Variants in RBFOX1 observed in about 807,000 individuals in gnomAD.
RBFOX1 encodes RNA binding fox-1 homolog 1, also known as RNA binding protein fox-1 homolog 1.
RBFOX1 carries 8 observed loss-of-function variants against 57.7 expected under a neutral mutation model. That is an observed-to-expected ratio of 0.14 (90% CI 0.08 to 0.25). The LOEUF is 0.25. Ranked by LOEUF, RBFOX1 falls within the 10% of genes least tolerant of loss-of-function variation. The pLI is 1.00. For synonymous variants in RBFOX1, 326 were observed against 222.4 expected, an observed-to-expected ratio of 1.47 and a Z score of -4.15; for missense variants, 611 against 548.5, an observed-to-expected ratio of 1.11 and a Z score of -1.14.
At chr16:6,864,342 G>T (rs1042867837) in intron 3 of RBFOX1, among the ~76,000 whole-genome samples, 2 of 151,962 alleles carry the variant, frequency 1.3e-5, no homozygotes, top group Non-Finnish European at 2.9e-5. Flanking sequence ...ACAAACATTT[G>T]AAAAACAATA....
chr16:6,815,651 T>G (rs1177003252), intron 3 of RBFOX1, among the ~76,000 whole-genome samples: 1 of 152,154 alleles, frequency 6.6e-6, no homozygotes, highest in Non-Finnish European at 1.5e-5. Flanking sequence ...GGCTACCTAC[T>G]TACGCCTTAC....
Position 6,893,808 on chromosome 16 carries a change from T to A in RBFOX1, c.-15-158249T>A, listed in dbSNP as rs551296669. Among the ~76,000 whole-genome samples the A allele has an allele frequency of 1.4e-4, 22 of 152,330 alleles. 1 individual carries two copies. The highest frequency in any genetic ancestry group is 5.3e-4 in the African/African-American group (22 of 41,586). The stretch of plus-strand genomic sequence containing the variant: ...ATTCTTTCAAGGTATCTAAAACTTA[T>A]AATCACTAATAAAAATATGCTTAAT... On this transcript the variant is annotated intron_variant, in intron 3 of 15. Transcript: ENST00000550418.
intron 2 of RBFOX1, among the ~76,000 whole-genome samples, chr16:6,589,640 C>T (rs751353667): frequency 2.0e-5 from 3 of 152,188 alleles, no homozygotes; most frequent in Non-Finnish European, 4.4e-5. Flanking sequence ...CTGCAGGACT[C>T]CTAAATCATA....
At chr16:6,440,523 C>T (rs780427663) in intron 2 of RBFOX1, among the ~76,000 whole-genome samples, 36 of 152,076 alleles carry the variant, frequency 2.4e-4, no homozygotes, top group Non-Finnish European at 4.3e-4. Context: ...AAGGATTGGC[C>T]GGGTGCAGTG....
intron 3 of RBFOX1, among the ~76,000 whole-genome samples, chr16:5,690,994 C>T (rs2050659697): frequency 6.6e-6 from 1 of 152,134 alleles, no homozygotes; most frequent in Non-Finnish European, 1.5e-5. Context: ...TCCAGTGCAG[C>T]CCAATAATCC....
At chr16:7,567,478 T>C (rs138892290) in intron 5 of RBFOX1, among the ~76,000 whole-genome samples, 792 of 20,868 alleles carry the variant, frequency 0.038, 52 homozygotes, top group East Asian at 0.049. Flanking sequence ...TATATCCCTA[T>C]GTATGGCCCT....
At chr16:5,274,657 C>T (rs2063098043) in intron 1 of RBFOX1, among the ~76,000 whole-genome samples, 1 of 152,218 alleles carries the variant, frequency 6.6e-6, no homozygotes, top group Non-Finnish European at 1.5e-5. Context: ...TGAGGAAATG[C>T]TGACTGTATT....
chr16:6,255,054 T>G (rs936118597), intron 1 of RBFOX1, among the ~76,000 whole-genome samples: 1 of 152,178 alleles, frequency 6.6e-6, no homozygotes, highest in Non-Finnish European at 1.5e-5. Flanking sequence ...TATGTCATTC[T>G]TAAAGTTCAG....
At chr16:7,537,170 G>C (rs1477511938) in intron 5 of RBFOX1, among the ~76,000 whole-genome samples, 2 of 147,854 alleles carry the variant, frequency 1.4e-5, no homozygotes, top group Non-Finnish European at 2.9e-5. Context: ...GTTGGGAAGT[G>C]GCAGAAAGGA....
chr16:6,848,750 C>T (rs2093903488), intron 3 of RBFOX1, among the ~76,000 whole-genome samples: 1 of 152,032 alleles, frequency 6.6e-6, no homozygotes, highest in South Asian at 2.1e-4. Context: ...TATGACAAGT[C>T]ACATTGCCAA....
At chr16:6,613,564 G>C (rs569930154) in intron 2 of RBFOX1, among the ~76,000 whole-genome samples, 62 of 152,296 alleles carry the variant, frequency 4.1e-4, no homozygotes, top group African/African-American at 1.4e-3. Context: ...TGGAACGCTA[G>C]ATGATTATTA....
chr16:6,011,968 C>G (rs1412214014), intron 4 of RBFOX1, among the ~76,000 whole-genome samples: 1 of 152,236 alleles, frequency 6.6e-6, no homozygotes, highest in African/African-American at 2.4e-5. Context: ...CCCACACCAT[C>G]TTGCATTTCT....
chr16:6,530,757 C>CG (rs2096646594), intron 2 of RBFOX1, among the ~76,000 whole-genome samples: 2 of 151,392 alleles, frequency 1.3e-5, no homozygotes, highest in Non-Finnish European at 2.9e-5. Flanking sequence ...CGTCCCTTCC[C>CG]CACCCCCATC....
chr16:5,252,553 G>T (rs2062479272), intron 1 of RBFOX1, among the ~76,000 whole-genome samples: 2 of 152,246 alleles, frequency 1.3e-5, no homozygotes, highest in Admixed American at 6.5e-5. Flanking sequence ...AGATCCTCTT[G>T]GGCTGCTTTA....
intron 4 of RBFOX1, among the ~76,000 whole-genome samples, chr16:7,384,891 G>A (rs1312827893): frequency 6.6e-6 from 1 of 152,178 alleles, no homozygotes; most frequent in African/African-American, 2.4e-5. Flanking sequence ...TTAATATATG[G>A]TTAGTGACAG....
In RBFOX1 at chr16:7,356,381, C is replaced by T. The variant is rs1306573337; in HGVS notation, c.28-161766C>T. 4.6e-5 allele frequency among the ~76,000 whole-genome samples: 7 copies of T among 152,270 alleles called. No individual in the cohort carries two copies. The East Asian group carries it at 1.2e-3, about 25-fold the overall frequency. ...CAGAGAGGACAGTCAGGTAAGGCCT[C>T]TCTGAGCATGCACACTAAAGAAAAG... On this transcript the variant is annotated intron_variant, in intron 4 of 15. Transcript: ENST00000550418.
chr16:7,657,471 A>C (rs2066597546), intron 12 of RBFOX1, among the ~76,000 whole-genome samples: 1 of 152,012 alleles, frequency 6.6e-6, no homozygotes, highest in South Asian at 2.1e-4. Flanking sequence ...CACCTGGCTA[A>C]TTTTTGCATT....
Position 6,393,083 on chromosome 16 carries a change from T to C in RBFOX1, c.-64+76026T>C, listed in dbSNP as rs1007824873. ...GGGGCACTCTGCCATACTTACACTT[T>C]CCTTTGAAATTTGTGTTTGGGAGGC... On this transcript the variant is annotated intron_variant, in intron 2 of 15. Transcript: ENST00000550418. Among the ~76,000 whole-genome samples, 3 of 152,232 alleles carry C rather than the reference T, an allele frequency of 2.0e-5. No homozygotes were observed. In the East Asian group the frequency reaches 5.8e-4, roughly 29 times the overall value.
intron 2 of RBFOX1, among the ~76,000 whole-genome samples, chr16:5,525,910 C>G (rs2044226294): frequency 6.6e-6 from 1 of 152,126 alleles, no homozygotes; most frequent in African/African-American, 2.4e-5. Context: ...ACATCGAAGG[C>G]TAGTGCCTCT....
Sources: gnomAD v4.1 joint callset for allele counts (sites outside exome capture counted in the v4.1 genomes callset) on GRCh38, gnomAD v4.1.1 for gene constraint, MANE v1.5 for transcripts, NCBI Gene and HGNC (gene_info 2026-07-23, HGNC 2026-07-21) for gene names.